The following DUT variants were observed in gnomAD, a reference collection of about 807,000 sequenced individuals.
The protein encoded by DUT is deoxyuridine 5'-triphosphate nucleotidohydrolase, mitochondrial.
In DUT, 21 loss-of-function variants were observed where a neutral mutation model predicts 28.8. That is an observed-to-expected ratio of 0.73 (90% CI 0.52 to 1.05). DUT has a LOEUF of 1.05. Among genes scored for constraint, DUT ranks in the 50% least tolerant of loss-of-function variants. The pLI is 0.00. For missense variants in DUT, 344 were observed against 351.8 expected (o/e 0.98, Z 0.18); for synonymous variants, 147 against 143.7 (o/e 1.02, Z -0.17).
chr15:48,331,335 T>C, upstream of DUT: 4 of 1,444,242 alleles, frequency 2.8e-6, no homozygotes, highest in Non-Finnish European at 3.6e-6. Context: ...GCCGTCTTCC[T>C]GGGGCCCCAG....
chr15:48,341,773 A>G, intron 6 of DUT, 188 bp downstream of exon 6: 2 of 599,726 alleles, frequency 3.3e-6, no homozygotes, highest in Non-Finnish European at 5.8e-6. Flanking sequence ...ATTATGTAGT[A>G]TTACTTTGGA....
In DUT at chr15:48,331,689, C is replaced by T. The variant is rs2042412035; in HGVS notation, c.174C>T (p.Ser58=). 6.6e-7 allele frequency: 1 copy of T among 1,522,852 alleles called. No individual in the cohort carries two copies. The highest frequency in any genetic ancestry group is 8.8e-7 in the Non-Finnish European group (1 of 1,135,974). The allele number at this position is 1,522,852 out of a possible 1,614,324, so 94.3% of individuals were successfully genotyped here. Residue 58 remains serine, a synonymous_variant, in exon 1 of 7, where the codon TCC becomes TCT. Coordinates refer to ENST00000331200, the MANE Select transcript of DUT (RefSeq NM_001025248.2). The part of the protein sequence containing the change: ...AAQHGIPRPL[S]SAGRLSQGCR... ...AGCACGGGATTCCCCGGCCGCTGTC[C>T]AGCGCTGGCCGCCTGAGCCAAGGCT...
chr15:48,334,373 T>C (rs1186082231), intron 2 of DUT, 44 bp from the exon 3 acceptor site: 1 of 1,329,876 alleles, frequency 7.5e-7, no homozygotes, highest in South Asian at 1.5e-5. Flanking sequence ...TAAAAACAAT[T>C]TTATAAATAG....
intron 3 of DUT, 66 bp from the exon 4 acceptor site, chr15:48,335,980 C>A: frequency 8.2e-7 from 1 of 1,224,646 alleles, no homozygotes; most frequent in Non-Finnish European, 1.2e-6. Flanking sequence ...GCTTAAATTG[C>A]ATCAGTTATC....
In DUT at chr15:48,331,485, G is replaced by T; in HGVS notation, c.-31G>T. 1 of 1,609,752 alleles carries T rather than the reference G, an allele frequency of 6.2e-7. No individual in the cohort carries two copies. Among genetic ancestry groups the T allele is most frequent in the Non-Finnish European group, 8.5e-7 (1 of 1,178,614 alleles). On this transcript the variant is annotated 5_prime_UTR_variant, in exon 1 of 7. Transcript: ENST00000331200. ...AGCCTGGCGCACGTCCGGAGGTGCC[G>T]AGGACCCAACCAGCCCAAACTCTGG...
In DUT at chr15:48,334,472, C is replaced by A; in HGVS notation, c.475C>A (p.Gln159Lys). 6.2e-7 allele frequency: 1 copy of A among 1,611,956 alleles called. No homozygotes were observed. The highest frequency in any genetic ancestry group is 8.5e-7 in the Non-Finnish European group (1 of 1,178,646). The change falls in exon 3 of 7, where the codon CAG (glutamine) becomes AAG (lysine). Residue 159 changes from glutamine (Q) to lysine (K), a missense_variant. Gln to Lys is a moderately conservative substitution (Grantham distance 53). Coordinates refer to ENST00000331200, the MANE Select transcript of DUT (RefSeq NM_001025248.2). ...MEKAVVKTDI[Q>K]IALPSGCYGR... ...GAAAGCTGTTGTGAAAACGGACATT[C>A]AGATAGCGCTCCCTTCTGGGTGTTA... is the stretch of plus-strand genomic sequence containing the variant.
At chr15:48,338,232 A>G (rs2042495030) in intron 4 of DUT, among the ~76,000 whole-genome samples, 1 of 151,712 alleles carries the variant, frequency 6.6e-6, no homozygotes, top group African/African-American at 2.4e-5. Flanking sequence ...TCTGCCATAC[A>G]TTTGAATTGA....
In DUT at chr15:48,342,122, T is replaced by TAAA; in HGVS notation, c.*57_*59dup. 5.0e-5 allele frequency: 56 copies of TAAA among 1,109,154 alleles called. No homozygotes were observed. Among genetic ancestry groups the TAAA allele is most frequent in the Non-Finnish European group, 5.4e-5 (44 of 819,418 alleles). 68.7% of individuals were successfully genotyped at this position (1,109,154 alleles called of 1,614,324 possible). A position where few individuals can be genotyped will look rare whatever the true frequency, so the allele number is the denominator to read the frequency against. On this transcript the variant is annotated 3_prime_UTR_variant, in exon 7 of 7. Transcript: ENST00000331200. ...AAAACAAGAAGTCATACCTTTTTCT[T>TAAA]AAAAAAAAAAAAAAAGTTTTTGCTT...
chr15:48,331,179 G>A (rs1339963006), upstream of DUT: 12 of 1,516,554 alleles, frequency 7.9e-6, no homozygotes, highest in Admixed American at 2.1e-5. Context: ...GGCTGCGGGC[G>A]GTGCCGCCCC....
At chr15:48,338,813 T>C (rs2042500814) in intron 4 of DUT, among the ~76,000 whole-genome samples, 1 of 152,222 alleles carries the variant, frequency 6.6e-6, no homozygotes, top group South Asian at 2.1e-4. Flanking sequence ...AGCCTGTGTC[T>C]GATATTATGC....
At position 48,342,247 on chromosome 15, in the gene DUT, A is replaced by T. The variant is rs559651438; in HGVS notation, c.*169A>T. The stretch of plus-strand genomic sequence containing the variant: ...TTTTATGATCAAGGAAAAGATCATT[A>T]AAAAAAAACACAAAGAAGTTTTTCT... On this transcript the variant is annotated 3_prime_UTR_variant, in exon 7 of 7. Coordinates refer to ENST00000331200, the MANE Select transcript of DUT (RefSeq NM_001025248.2). 42 of 373,282 alleles carry T rather than the reference A, an allele frequency of 1.1e-4. No homozygotes were observed. Among genetic ancestry groups the T allele is most frequent in the African/African-American group, 7.4e-4 (35 of 47,088 alleles). The allele number at this position is 373,282 out of a possible 1,614,324, so 23.1% of individuals were successfully genotyped here.
chr15:48,336,458 A>T (rs2042476600), intron 4 of DUT, among the ~76,000 whole-genome samples: 1 of 152,162 alleles, frequency 6.6e-6, no homozygotes, highest in Non-Finnish European at 1.5e-5. Context: ...TCAGGAGAGA[A>T]AACACTTTTC....
In DUT at chr15:48,332,294, C is replaced by T. The variant is rs1430784919; in HGVS notation, c.307C>T (p.Arg103Trp). 3 of 1,608,690 alleles carry T rather than the reference C, an allele frequency of 1.9e-6. No homozygotes were observed. The highest frequency in any genetic ancestry group is 2.5e-6 in the Non-Finnish European group (3 of 1,178,394). The change falls in exon 2 of 7, where the codon CGG becomes TGG. Residue 103 changes from arginine to tryptophan, a missense_variant. Physicochemically the swap from Arg to Trp is moderately radical, Grantham distance 101. Coordinates refer to ENST00000331200, the MANE Select transcript of DUT (RefSeq NM_001025248.2). ...PETPAISPSK[R>W]ARPAEVGGMQ... ...GACACCCGCCATTTCACCCAGTAAG[C>T]GGGCCCGGCCTGCGGAGGTGGGCGG... is the stretch of plus-strand genomic sequence containing the variant.
At chr15:48,338,086 A>G (rs1405592167) in intron 4 of DUT, among the ~76,000 whole-genome samples, 1 of 152,014 alleles carries the variant, frequency 6.6e-6, no homozygotes, top group Admixed American at 6.6e-5. Context: ...AATATCCCTG[A>G]TACTTATATC....
intron 2 of DUT, among the ~76,000 whole-genome samples, chr15:48,333,252 A>T (rs1202147551): frequency 6.6e-6 from 1 of 152,188 alleles, no homozygotes; most frequent in Non-Finnish European, 1.5e-5. Context: ...AAGAGAAAGT[A>T]GTGCCTGATG....
Position 48,334,521 on chromosome 15 carries a change from A to T in DUT, c.511+13A>T, listed in dbSNP as rs1399569613. 5 of 1,567,232 alleles carry T rather than the reference A, an allele frequency of 3.2e-6. No individual in the cohort carries two copies. Among genetic ancestry groups the T allele is most frequent in the Non-Finnish European group, 4.4e-6 (5 of 1,141,064 alleles). The stretch of plus-strand genomic sequence containing the variant: ...TATGGAAGAGTGGGTAAGTCATTTA[A>T]GAAACAGGTAACTATTTGTCAAGTT... On this transcript the variant is annotated intron_variant, in intron 3 of 6. Transcript: ENST00000331200.
chr15:48,341,852 T>A (rs1426735266), intron 6 of DUT, 170 bp from the exon 7 acceptor site: 3 of 600,316 alleles, frequency 5.0e-6, no homozygotes, highest in Non-Finnish European at 8.5e-6. Flanking sequence ...TATCCAGTAT[T>A]CTAATTTATG....
At chr15:48,337,964 A>G (rs982695781) in intron 4 of DUT, among the ~76,000 whole-genome samples, 2 of 152,214 alleles carry the variant, frequency 1.3e-5, no homozygotes, top group East Asian at 1.9e-4. Flanking sequence ...TGACATGCCA[A>G]ACTCTTGACA....
intron 4 of DUT, among the ~76,000 whole-genome samples, chr15:48,338,536 G>GA (rs886207126): frequency 5.3e-5 from 8 of 152,098 alleles, no homozygotes; most frequent in African/African-American, 1.9e-4. Context: ...CAAATGGGAG[G>GA]AAAAAAATCC....
Sources: allele counts gnomAD v4.1 joint callset (sites outside exome capture counted in the v4.1 genomes callset), GRCh38; gene constraint gnomAD v4.1.1; transcripts MANE v1.5; gene names NCBI Gene and HGNC (gene_info 2026-07-23, HGNC 2026-07-21).